ZNF44: variants seen among roughly 807,000 people sequenced by gnomAD.
ZNF44 encodes the protein zinc finger protein 44.
Under a neutral mutation model 11.7 loss-of-function variants are expected in ZNF44, and 9 were observed. The observed-to-expected ratio is 0.77, with a 90% confidence interval of 0.46 to 1.35. The LOEUF (loss-of-function observed/expected upper bound fraction) is 1.35, where lower values mean the gene tolerates loss of function less well. ZNF44 is among the 40% of genes most tolerant of loss of function. ZNF44 has a pLI of 0.00. For missense variants in ZNF44, 696 were observed against 743.1 expected (o/e 0.94, Z 0.74); for synonymous variants, 224 against 242.7 (o/e 0.92, Z 0.72).
intron 1 of ZNF44, among the ~76,000 whole-genome samples, chr19:12,236,351 C>T (rs1337255540): frequency 2.0e-5 from 3 of 152,168 alleles, no homozygotes; most frequent in Non-Finnish European, 4.4e-5. Context: ...CTATAGTGCC[C>T]TGAGTTGCTT....
chr19:12,293,456 A>G (rs1968102375), intron 1 of ZNF44: 1 of 1,351,576 alleles, frequency 7.4e-7, no homozygotes, highest in African/African-American at 1.5e-5. Context: ...TAGGGGAGAT[A>G]AAAGAGGCAC....
At chr19:12,257,569 C>T (rs1049456761) in intron 5 of ZNF44, among the ~76,000 whole-genome samples, 11 of 151,030 alleles carry the variant, frequency 7.3e-5, no homozygotes, top group Middle Eastern at 3.5e-3. Context: ...AGGTGGATCA[C>T]GAGGTCAGGA....
At position 12,247,773 on chromosome 19, in the gene ZNF44, T is replaced by G. The variant is rs770638789; in HGVS notation, c.*1092A>C. 1.5e-5 allele frequency: 19 copies of G among 1,307,108 alleles called. No individual in the cohort carries two copies. The Admixed American group carries it at 2.5e-4, about 17-fold the overall frequency. 81.0% of individuals were successfully genotyped at this position (1,307,108 alleles called of 1,614,324 possible). A position where few individuals can be genotyped will look rare whatever the true frequency, so the allele number is the denominator to read the frequency against. ...AAATGCTTTTCCACATTTTTTACACTCAAAGGGTTTATCTCCAGTGTGAGT... is the reference window on the plus strand; with the variant it reads ...AAATGCTTTTCCACATTTTTTACACGCAAAGGGTTTATCTCCAGTGTGAGT... On this transcript the variant is annotated 3_prime_UTR_variant and NMD_transcript_variant, in exon 8 of 8. Transcript: ENST00000393337.
At chr19:12,254,477 C>A (rs1435709881) in intron 5 of ZNF44, among the ~76,000 whole-genome samples, 3 of 152,112 alleles carry the variant, frequency 2.0e-5, no homozygotes, top group African/African-American at 7.2e-5. Context: ...CTCACACGTG[C>A]AATCCCAGCA....
At chr19:12,253,738 G>A (rs1297798502) in intron 5 of ZNF44, among the ~76,000 whole-genome samples, 1 of 151,952 alleles carries the variant, frequency 6.6e-6, no homozygotes, top group African/African-American at 2.4e-5. Flanking sequence ...CCAGCACTTT[G>A]GGGATGCTGA....
At chr19:12,268,000 C>G (rs574529955), downstream of ZNF44, among the ~76,000 whole-genome samples, 1 of 151,958 alleles carries the variant, frequency 6.6e-6, no homozygotes, top group East Asian at 1.9e-4. Flanking sequence ...CCACACCTGG[C>G]TAATTTTTGT....
downstream of ZNF44, among the ~76,000 whole-genome samples, chr19:12,268,497 A>G (rs2145715270): frequency 1.3e-5 from 2 of 152,288 alleles, no homozygotes; most frequent in Middle Eastern, 3.4e-3. Context: ...CTGTTGATGG[A>G]TGGCCCCATT....
chr19:12,248,648 A>G (rs981224646), exon 8 of ZNF44: 6 of 1,309,816 alleles, frequency 4.6e-6, no homozygotes, highest in Admixed American at 2.2e-5. Flanking sequence ...TACCTTCTTT[A>G]CTTTCACAGA....
upstream of ZNF44, chr19:12,237,717 CACGGAAA>C (rs1916446224): frequency 6.6e-6 from 1 of 152,354 alleles, no homozygotes; most frequent in African/African-American, 2.4e-5. Flanking sequence ...CAGGAGAAGC[CACGGAAA>C]ACTCGGAAGT....
At chr19:12,251,589 A>G (rs970594123) in intron 5 of ZNF44, among the ~76,000 whole-genome samples, 2 of 152,208 alleles carry the variant, frequency 1.3e-5, no homozygotes, top group African/African-American at 4.8e-5. Context: ...GGAATAAAGC[A>G]TGACAACTTT....
intron 1 of ZNF44, among the ~76,000 whole-genome samples, chr19:12,287,926 T>C (rs147693173): frequency 6.6e-6 from 1 of 152,350 alleles, no homozygotes; most frequent in East Asian, 1.9e-4. Flanking sequence ...GGTGAATACA[T>C]ACTGAACCTA....
At chr19:12,290,272 C>T (rs1967951676) in intron 1 of ZNF44, among the ~76,000 whole-genome samples, 1 of 151,668 alleles carries the variant, frequency 6.6e-6, no homozygotes, top group Admixed American at 6.6e-5. Flanking sequence ...ATAATCCCAG[C>T]TACTCAGGAG....
rs746554306 is a variant in ZNF44, at chr19:12,276,214, T to C, written c.4-132A>G. The stretch of plus-strand genomic sequence containing the variant: ...TTCAATGACGTGGTAAATCCACTCT[T>C]ATTCTGTGTCTGCACTCACTGTCTG... On this transcript the variant is annotated intron_variant, in intron 1 of 3. Transcript: ENST00000355684. 66 of 1,388,316 alleles carry C rather than the reference T, an allele frequency of 4.8e-5. No individual in the cohort carries two copies. In the Middle Eastern group the frequency reaches 5.6e-4, roughly 12 times the overall value. The allele number at this position is 1,388,316 out of a possible 1,614,324, so 86.0% of individuals were successfully genotyped here.
At chr19:12,247,066 T>C (rs1916788249), downstream of ZNF44, among the ~76,000 whole-genome samples, 2 of 151,582 alleles carry the variant, frequency 1.3e-5, no homozygotes, top group Admixed American at 6.6e-5. Flanking sequence ...TATTAAAAAC[T>C]AGGAAGAATC....
chr19:12,285,017 G>T, intron 1 of ZNF44: 1 of 706,582 alleles, frequency 1.4e-6, no homozygotes, highest in East Asian at 2.5e-5. Context: ...ACTTCGCCAA[G>T]GCCACCTTTG....
At chr19:12,262,029 T>C (rs1361707264) in intron 5 of ZNF44, among the ~76,000 whole-genome samples, 1 of 152,126 alleles carries the variant, frequency 6.6e-6, no homozygotes. Context: ...AAAGTGTAAA[T>C]TAAGAAAAAA....
Position 12,272,782 on chromosome 19 carries a change from A to C in ZNF44, c.1473T>G (p.Phe491Leu). 6 of 1,613,914 alleles carry C rather than the reference A, an allele frequency of 3.7e-6. No individual in the cohort carries two copies. The highest frequency in any genetic ancestry group is 5.1e-6 in the Non-Finnish European group (6 of 1,179,872). The part of the protein sequence containing the change: ...CGKAFSSFKY[F>L]CRHERTHSEE... ...CACTGTGAGTCCTTTCATGGCGACA[A>C]AAGTATTTAAAAGAACTAAATGCTT... Residue 491 changes from phenylalanine (F) to leucine (L), a missense_variant, in exon 4 of 4, where the codon TTT becomes TTG. Physicochemically the swap from Phe to Leu is conservative, Grantham distance 22 (BLOSUM62 0). Transcript: ENST00000355684.
In ZNF44 at chr19:12,233,790, G is replaced by A. The variant is rs549496118; in HGVS notation, n.380+877C>T. On this transcript the variant is annotated intron_variant and non_coding_transcript_variant, in intron 2 of 3. Transcript: ENST00000597563. ...TAAAAAATGACAAGCCTGGCTGGGC[G>A]CAGTGGCTCACACCTGTAATCCCAG... Among the ~76,000 whole-genome samples, 113 of 152,070 alleles carry A rather than the reference G, an allele frequency of 7.4e-4. 2 individuals carry two copies. The South Asian group carries it at 0.01, about 14-fold the overall frequency.
At chr19:12,258,972 G>A (rs953555135) in intron 5 of ZNF44, among the ~76,000 whole-genome samples, 2 of 151,960 alleles carry the variant, frequency 1.3e-5, no homozygotes, top group Non-Finnish European at 2.9e-5. Context: ...CCTCCCAGGC[G>A]CAAGCTACCC....
Sources: gnomAD v4.1 joint callset for allele counts (sites outside exome capture counted in the v4.1 genomes callset) on GRCh38, gnomAD v4.1.1 for gene constraint, MANE v1.5 for transcripts, NCBI Gene and HGNC (gene_info 2026-07-23, HGNC 2026-07-21) for gene names.